The following PDGFD variants were observed in gnomAD, a reference collection of about 807,000 sequenced individuals.
PDGFD encodes platelet-derived growth factor D.
A neutral mutation model predicts 44.7 loss-of-function variants in PDGFD; 30 were observed. The ratio of observed to expected loss-of-function variants is 0.67; its 90% CI spans 0.50 to 0.91. The LOEUF is 0.91. Among genes scored for constraint, PDGFD ranks in the 40% least tolerant of loss-of-function variants. The probability of loss-of-function intolerance (pLI) is 0.00; values close to 1 mark genes in which losing one functional copy is unlikely to be tolerated. For missense variants in PDGFD, 445 were observed against 457.8 expected (o/e 0.97, Z 0.25); for synonymous variants, 173 against 168.4 (o/e 1.03, Z -0.21).
At chr11:103,916,066 G>C (rs1331056147) in intron 6 of PDGFD, among the ~76,000 whole-genome samples, 1 of 152,044 alleles carries the variant, frequency 6.6e-6, no homozygotes, top group African/African-American at 2.4e-5. Context: ...AAAAGCAATG[G>C]CAACAAAAGC....
intron 6 of PDGFD, among the ~76,000 whole-genome samples, chr11:103,914,157 C>T (rs907490448): frequency 6.6e-6 from 1 of 152,158 alleles, no homozygotes; most frequent in Admixed American, 6.5e-5. Flanking sequence ...TGCAAGACTG[C>T]ATTCCTCAAA....
intron 1 of PDGFD, among the ~76,000 whole-genome samples, chr11:104,126,788 C>A (rs1861847055): frequency 6.6e-6 from 1 of 151,956 alleles, no homozygotes; most frequent in Non-Finnish European, 1.5e-5. Context: ...TCCTATATAG[C>A]AGCATATACC....
intron 5 of PDGFD, among the ~76,000 whole-genome samples, chr11:103,930,775 C>T (rs538483504): frequency 6.6e-6 from 1 of 152,308 alleles, no homozygotes; most frequent in East Asian, 1.9e-4. Context: ...AGGCACTAAC[C>T]TGTCATTTTC....
At chr11:103,943,357 C>A in intron 5 of PDGFD, 95 bp downstream of exon 5, 1 of 1,230,628 alleles carries the variant, frequency 8.1e-7, no homozygotes, top group Non-Finnish European at 1.1e-6. Context: ...ATCCAAAAGA[C>A]TTCTGGTTTC....
chr11:104,011,013 G>C (rs1238836970), intron 1 of PDGFD, among the ~76,000 whole-genome samples: 5 of 151,936 alleles, frequency 3.3e-5, no homozygotes, highest in Non-Finnish European at 5.9e-5. Flanking sequence ...TCATACCCAG[G>C]AGTAACAAGA....
At chr11:103,933,703 T>A (rs553931281) in intron 5 of PDGFD, among the ~76,000 whole-genome samples, 1 of 152,322 alleles carries the variant, frequency 6.6e-6, no homozygotes, top group African/African-American at 2.4e-5. Context: ...AAATCAAATT[T>A]CATTTAATTC....
At chr11:104,022,951 C>G (rs889547574) in intron 1 of PDGFD, among the ~76,000 whole-genome samples, 1 of 151,858 alleles carries the variant, frequency 6.6e-6, no homozygotes, top group Non-Finnish European at 1.5e-5. Flanking sequence ...GTTTGCACTT[C>G]TAGATAGTGA....
intron 3 of PDGFD, among the ~76,000 whole-genome samples, chr11:103,960,378 A>G (rs756409668): frequency 7.2e-5 from 11 of 152,148 alleles, no homozygotes; most frequent in Non-Finnish European, 1.3e-4. Flanking sequence ...CATGCCTCAC[A>G]CTTACACTTT....
chr11:103,988,916 C>T (rs1480115495), intron 3 of PDGFD, among the ~76,000 whole-genome samples: 2 of 152,224 alleles, frequency 1.3e-5, no homozygotes, highest in Middle Eastern at 3.4e-3. Flanking sequence ...TTAGTAGTAA[C>T]GGAATATTTA....
intron 2 of PDGFD, among the ~76,000 whole-genome samples, chr11:103,996,471 T>C (rs1859535879): frequency 6.6e-6 from 1 of 152,230 alleles, no homozygotes. Context: ...CATTTAGTCA[T>C]GACTGTTCCT....
chr11:103,949,670 A>C (rs1294974601), intron 3 of PDGFD, among the ~76,000 whole-genome samples: 1 of 152,200 alleles, frequency 6.6e-6, no homozygotes, highest in Non-Finnish European at 1.5e-5. Context: ...GATCATGAGG[A>C]AATAAAAACT....
intron 1 of PDGFD, among the ~76,000 whole-genome samples, chr11:104,152,596 AAT>A (rs1320881601): frequency 1.3e-5 from 2 of 152,122 alleles, no homozygotes; most frequent in Non-Finnish European, 2.9e-5. Flanking sequence ...CTCAAATACT[AAT>A]ATTGGAAAGG....
intron 1 of PDGFD, among the ~76,000 whole-genome samples, chr11:104,131,713 A>T (rs1446694286): frequency 6.7e-6 from 1 of 150,368 alleles, no homozygotes; most frequent in Non-Finnish European, 1.5e-5. Flanking sequence ...ATTTGCTGCC[A>T]CCAATGAGAA....
At chr11:104,057,195 C>G (rs1483442146) in intron 1 of PDGFD, among the ~76,000 whole-genome samples, 3 of 151,946 alleles carry the variant, frequency 2.0e-5, no homozygotes, top group African/African-American at 4.8e-5. Flanking sequence ...TGTGGGAGAC[C>G]TGAAGGTAGA....
Position 104,058,300 on chromosome 11 carries a change from A to C in PDGFD, c.125-58045T>G, listed in dbSNP as rs536780250. 9.8e-5 allele frequency among the ~76,000 whole-genome samples: 15 copies of C among 152,378 alleles called. No homozygotes were observed. The South Asian group carries it at 2.9e-3, about 29-fold the overall frequency. ...TAAAACACGTTATACATTCACCGAT[A>C]AGAAGAAAAATAACTCAATACAACA... On this transcript the variant is annotated intron_variant, in intron 1 of 6. Transcript: ENST00000393158.
intron 1 of PDGFD, among the ~76,000 whole-genome samples, chr11:104,065,048 AAAG>A (rs1565325038): frequency 3.9e-5 from 6 of 152,298 alleles, no homozygotes. Context: ...GGCCAGAATA[AAAG>A]GAGGCAGAAG....
intron 6 of PDGFD, among the ~76,000 whole-genome samples, chr11:103,926,158 T>A (rs1244787915): frequency 6.6e-6 from 1 of 152,228 alleles, no homozygotes; most frequent in Non-Finnish European, 1.5e-5. Flanking sequence ...GCCAACTTAC[T>A]GATCCTCTTA....
At chr11:104,073,077 A>G (rs534984881) in intron 1 of PDGFD, among the ~76,000 whole-genome samples, 7 of 152,070 alleles carry the variant, frequency 4.6e-5, no homozygotes, top group African/African-American at 1.7e-4. Flanking sequence ...ATCTAAAATC[A>G]TGTTTGGAGA....
chr11:103,953,187 G>A (rs1051239824), intron 3 of PDGFD, among the ~76,000 whole-genome samples: 1 of 151,852 alleles, frequency 6.6e-6, no homozygotes, highest in African/African-American at 2.4e-5. Flanking sequence ...TATACAAAAT[G>A]TATACATACA....
Sources: allele counts gnomAD v4.1 joint callset (sites outside exome capture counted in the v4.1 genomes callset), GRCh38; gene constraint gnomAD v4.1.1; transcripts MANE v1.5; gene names NCBI Gene and HGNC (gene_info 2026-07-23, HGNC 2026-07-21).